The following CDH12 variants were observed in gnomAD, a reference collection of about 807,000 sequenced individuals.
The protein encoded by CDH12 is cadherin 12.
A neutral mutation model predicts 74.1 loss-of-function variants in CDH12; 41 were observed. That is an observed-to-expected ratio of 0.55 (90% CI 0.43 to 0.72). The LOEUF (loss-of-function observed/expected upper bound fraction) is 0.72. Ranked by LOEUF, CDH12 falls within the 30% of genes least tolerant of loss-of-function variation. CDH12 has a pLI of 0.00. For synonymous variants in CDH12, 399 were observed against 355.0 expected, an observed-to-expected ratio of 1.12 and a Z score of -1.39; for missense variants, 945 against 977.2, an observed-to-expected ratio of 0.97 and a Z score of 0.44.
intron 1 of CDH12, among the ~76,000 whole-genome samples, chr5:22,821,803 T>C (rs548607301): frequency 1.3e-3 from 204 of 151,514 alleles, no homozygotes; most frequent in African/African-American, 4.7e-3. Flanking sequence ...ATGGCCATAC[T>C]GCCCAAGGTA....
At chr5:21,923,553 C>T (rs1289899721) in intron 6 of CDH12, among the ~76,000 whole-genome samples, 4 of 152,188 alleles carry the variant, frequency 2.6e-5, no homozygotes, top group South Asian at 4.1e-4. Context: ...CTTCAAATAC[C>T]TCAGGGTATC....
chr5:22,742,691 G>A (rs576248520), intron 1 of CDH12, among the ~76,000 whole-genome samples: 11 of 150,380 alleles, frequency 7.3e-5, no homozygotes, highest in African/African-American at 2.7e-4. Flanking sequence ...AGGATCTATT[G>A]CACAATTGAA....
intron 1 of CDH12, among the ~76,000 whole-genome samples, chr5:22,718,314 A>C (rs944324047): frequency 6.6e-6 from 1 of 152,164 alleles, no homozygotes; most frequent in Non-Finnish European, 1.5e-5. Context: ...CACCTCTTAA[A>C]GTGGGAACTC....
intron 1 of CDH12, among the ~76,000 whole-genome samples, chr5:22,555,873 A>C (rs1246223403): frequency 6.9e-6 from 1 of 145,480 alleles, no homozygotes; most frequent in Non-Finnish European, 1.5e-5. Flanking sequence ...AACAATCAAG[A>C]CCAAACAAGA....
At chr5:22,667,299 C>T (rs1740675503) in intron 1 of CDH12, among the ~76,000 whole-genome samples, 1 of 152,102 alleles carries the variant, frequency 6.6e-6, no homozygotes, top group African/African-American at 2.4e-5. Context: ...AGCTGGTTGT[C>T]CCGTCATTTC....
intron 2 of CDH12, among the ~76,000 whole-genome samples, chr5:22,437,252 A>G (rs1264744216): frequency 6.6e-6 from 1 of 151,904 alleles, no homozygotes; most frequent in Non-Finnish European, 1.5e-5. Flanking sequence ...CAAAATGTTG[A>G]AATAATTTTA....
At chr5:22,512,805 G>C (rs1736665703) in intron 1 of CDH12, among the ~76,000 whole-genome samples, 1 of 152,170 alleles carries the variant, frequency 6.6e-6, no homozygotes, top group Non-Finnish European at 1.5e-5. Context: ...GCTCACACCT[G>C]TATTCCCAAC....
intron 2 of CDH12, among the ~76,000 whole-genome samples, chr5:22,473,059 T>C (rs1387102749): frequency 6.6e-6 from 1 of 152,162 alleles, no homozygotes; most frequent in Non-Finnish European, 1.5e-5. Context: ...CTTTACTGTG[T>C]TTTGGCCACA....
At chr5:21,853,535 T>C (rs1408136483) in intron 7 of CDH12, among the ~76,000 whole-genome samples, 1 of 151,628 alleles carries the variant, frequency 6.6e-6, no homozygotes, top group Non-Finnish European at 1.5e-5. Context: ...CAGGTTCAGT[T>C]GACAAAAAGT....
At chr5:22,068,057 C>G (rs140245191) in intron 5 of CDH12, among the ~76,000 whole-genome samples, 192 of 152,152 alleles carry the variant, frequency 1.3e-3, no homozygotes, top group African/African-American at 4.6e-3. Context: ...GAACTGAACA[C>G]TTAATCATGG....
rs375215710 is a variant in CDH12, at chr5:22,825,952, A to G, written c.-523+27106T>C. On this transcript the variant is annotated intron_variant, in intron 1 of 14. Coordinates refer to ENST00000382254, the MANE Select transcript of CDH12 (RefSeq NM_004061.5). ...ATTTTAGGACACATGTCATTCACTA[A>G]TTGATGAATTAGTGGAATAACCAGT... Among the ~76,000 whole-genome samples, 37 of 152,314 alleles carry G rather than the reference A, an allele frequency of 2.4e-4. No individual in the cohort carries two copies. In the South Asian group the frequency reaches 4.8e-3, roughly 20 times the overall value.
At chr5:22,486,910 C>G (rs551390176) in intron 2 of CDH12, among the ~76,000 whole-genome samples, 1 of 152,152 alleles carries the variant, frequency 6.6e-6, no homozygotes, top group Non-Finnish European at 1.5e-5. Context: ...CCTGGAAGTT[C>G]ATTGAGGTCA....
chr5:22,283,251 TAC>T (rs70959712), intron 3 of CDH12, among the ~76,000 whole-genome samples: 8 of 102,064 alleles, frequency 7.8e-5, no homozygotes, highest in East Asian at 2.9e-4. Flanking sequence ...TATATATATA[TAC>T]ACACACACAC....
chr5:21,793,330 A>G (rs1746608943), intron 10 of CDH12, among the ~76,000 whole-genome samples: 1 of 151,724 alleles, frequency 6.6e-6, no homozygotes, highest in African/African-American at 2.4e-5. Context: ...AGTTTTTTTC[A>G]AGTATGAAGA....
intron 1 of CDH12, among the ~76,000 whole-genome samples, chr5:22,713,687 T>TA (rs1743416590): frequency 6.6e-6 from 1 of 152,140 alleles, no homozygotes; most frequent in African/African-American, 2.4e-5. Flanking sequence ...CATAGATACA[T>TA]ACACTGGTTG....
intron 9 of CDH12, among the ~76,000 whole-genome samples, chr5:21,813,164 C>T (rs999226028): frequency 2.0e-5 from 3 of 152,234 alleles, no homozygotes; most frequent in Non-Finnish European, 4.4e-5. Flanking sequence ...CTTAAGACAA[C>T]CAGAGTCACT....
chr5:22,667,366 T>A (rs1447453184), intron 1 of CDH12, among the ~76,000 whole-genome samples: 1 of 152,156 alleles, frequency 6.6e-6, no homozygotes, highest in East Asian at 1.9e-4. Context: ...CCCCAGTGAG[T>A]GTCCAGCTCT....
At chr5:21,863,375 A>G (rs769256690) in intron 6 of CDH12, among the ~76,000 whole-genome samples, 5 of 152,254 alleles carry the variant, frequency 3.3e-5, no homozygotes, top group Non-Finnish European at 2.9e-5. Flanking sequence ...TCACTCCTCT[A>G]TAATCTCATC....
intron 3 of CDH12, among the ~76,000 whole-genome samples, chr5:22,245,600 T>C (rs1752917822): frequency 6.6e-6 from 1 of 151,954 alleles, no homozygotes; most frequent in Non-Finnish European, 1.5e-5. Context: ...ATGTAAGAAC[T>C]ACAGACTTAA....
Sources: allele counts gnomAD v4.1 joint callset (sites outside exome capture counted in the v4.1 genomes callset), GRCh38; gene constraint gnomAD v4.1.1; transcripts MANE v1.5; gene names NCBI Gene and HGNC (gene_info 2026-07-23, HGNC 2026-07-21).